IQSEC1: variants seen among roughly 807,000 people sequenced by gnomAD.
IQSEC1 encodes IQ motif and Sec7 domain ArfGEF 1.
A neutral mutation model predicts 91.0 loss-of-function variants in IQSEC1; 31 were observed. That is an observed-to-expected ratio of 0.34 (90% CI 0.26 to 0.46). The LOEUF (loss-of-function observed/expected upper bound fraction) is 0.46. Among genes scored for constraint, IQSEC1 ranks in the 20% least tolerant of loss-of-function variants. IQSEC1 has a pLI of 1.00. For missense variants in IQSEC1, 1,388 were observed against 1,575.6 expected (o/e 0.88, Z 2.02); for synonymous variants, 699 against 662.6 (o/e 1.05, Z -0.84).
chr3:12,936,382 G>A lies in IQSEC1; in HGVS notation c.634C>T (p.Pro212Ser), dbSNP rs1237374778. ...DLSEPTTLKS[P>S]APSSDFADAI... ...TCCGCAAAGTCACTGGAGGGGGCCG[G>A]AGACTTGAGGGTGGTGGGCTCGCTG... The change falls in exon 3 of 14, where the codon CCG becomes TCG. Residue 212 changes from proline to serine, a missense_variant. Physicochemically the swap from Pro to Ser is moderately conservative, Grantham distance 74. Transcript: ENST00000613206. The A allele has an allele frequency of 1.3e-6, 2 of 1,597,660 alleles. No individual in the cohort carries two copies. The highest frequency in any genetic ancestry group is 2.7e-5 in the African/African-American group (2 of 74,674).
chr3:13,192,898 CT>C (rs900353990), intron 1 of IQSEC1, among the ~76,000 whole-genome samples: 12 of 152,230 alleles, frequency 7.9e-5, no homozygotes, highest in Admixed American at 7.8e-4. Flanking sequence ...TGCCTCACCC[CT>C]GCTCCCAGCA....
At chr3:13,163,659 G>A (rs925461192) in intron 2 of IQSEC1, among the ~76,000 whole-genome samples, 8 of 152,180 alleles carry the variant, frequency 5.3e-5, no homozygotes, top group African/African-American at 9.6e-5. Context: ...TACGCCTGCC[G>A]TGGAGACACC....
chr3:13,123,986 G>A (rs370351857), intron 2 of IQSEC1, among the ~76,000 whole-genome samples: 2 of 152,196 alleles, frequency 1.3e-5, no homozygotes, highest in Non-Finnish European at 2.9e-5. Context: ...TTCTGCATTG[G>A]GTATGACAGC....
rs1002189389 is a variant in IQSEC1, at chr3:12,992,056, C to T, written c.24-50191G>A. On this transcript the variant is annotated intron_variant, in intron 1 of 13. Transcript: ENST00000613206. The surrounding 1 kb of genome is among the most constrained non-coding windows in gnomAD (Gnocchi z 4.1). ...GGTGAGCACAGGCCCCCTCCCTTGT[C>T]CCTCCACTGCAGAGACCTCTGAGGG... Among the ~76,000 whole-genome samples, 3 of 152,136 alleles carry T rather than the reference C, an allele frequency of 2.0e-5. No individual in the cohort carries two copies. Among genetic ancestry groups the T allele is most frequent in the East Asian group, 3.9e-4 (2 of 5,164 alleles).
rs552060490 is a variant in IQSEC1, at chr3:13,224,442, G to C, written c.272+58269C>G. The stretch of plus-strand genomic sequence containing the variant: ...CCAGCCCAGGCAGGGACCGCCTGCT[G>C]TCCAGGGTGCAATGGGAGAAGGGGC... On this transcript the variant is annotated intron_variant, in intron 1 of 15. Coordinates refer to the IQSEC1 transcript ENST00000648114. 2.0e-5 allele frequency among the ~76,000 whole-genome samples: 3 copies of C among 152,270 alleles called. No homozygotes were observed. In the South Asian group the frequency reaches 6.2e-4, roughly 32 times the overall value.
At chr3:13,057,572 C>T (rs1704921903) in intron 1 of IQSEC1, among the ~76,000 whole-genome samples, 1 of 152,218 alleles carries the variant, frequency 6.6e-6, no homozygotes, top group Non-Finnish European at 1.5e-5. Context: ...CGGGGAACAC[C>T]CCACTGTCCC....
At chr3:12,973,681 A>G (rs1701016659) in intron 1 of IQSEC1, among the ~76,000 whole-genome samples, 1 of 152,250 alleles carries the variant, frequency 6.6e-6, no homozygotes, top group Non-Finnish European at 1.5e-5. Context: ...TTGCATGCCT[A>G]TATCAAAATA....
chr3:13,120,065 G>A (rs1238213236), intron 2 of IQSEC1, among the ~76,000 whole-genome samples: 1 of 152,226 alleles, frequency 6.6e-6, no homozygotes, highest in Admixed American at 6.5e-5. Context: ...TTCCTTAGAA[G>A]GCACTCACCT....
At chr3:13,091,592 T>C (rs1705862361) in intron 2 of IQSEC1, among the ~76,000 whole-genome samples, 1 of 151,990 alleles carries the variant, frequency 6.6e-6, no homozygotes, top group South Asian at 2.1e-4. Context: ...GGCTGGGGTG[T>C]GAAAGGACCC....
intron 2 of IQSEC1, among the ~76,000 whole-genome samples, chr3:13,106,611 G>C (rs1240728488): frequency 6.6e-6 from 1 of 152,140 alleles, no homozygotes; most frequent in East Asian, 1.9e-4. Flanking sequence ...TTAACCCTTA[G>C]GCAGCACTGC....
intron 2 of IQSEC1, among the ~76,000 whole-genome samples, chr3:13,092,110 T>C (rs633442): frequency 0.18 from 27,160 of 152,056 alleles, 2,513 homozygotes; most frequent in Middle Eastern, 0.24. Flanking sequence ...CCCTGCACTG[T>C]GCAGGGTCAG....
chr3:13,174,074 C>T (rs1343053250), intron 1 of IQSEC1, among the ~76,000 whole-genome samples: 2 of 152,186 alleles, frequency 1.3e-5, no homozygotes, highest in East Asian at 3.8e-4. Context: ...CTCACTGAGC[C>T]AGAGGCCCGG....
rs1344188644 is a variant in IQSEC1, at chr3:12,900,187, T to TGGAC, written c.*792_*795dup. The TGGAC allele has an allele frequency of 1.0e-6, 1 of 975,450 alleles. No individual in the cohort carries two copies. Among genetic ancestry groups the TGGAC allele is most frequent in the Admixed American group, 6.2e-5 (1 of 16,246 alleles). 60.4% of individuals were successfully genotyped at this position (975,450 alleles called of 1,614,324 possible). On this transcript the variant is annotated 3_prime_UTR_variant, in exon 14 of 14. Coordinates refer to ENST00000613206, the MANE Select transcript of IQSEC1 (RefSeq NM_001134382.3). Reference sequence around the variant, plus strand: ...AATAAGGATTTATACAAAGCAATACTGGACTTTTTAAACAGTTAGATGCTA... The same window carrying TGGAC: ...AATAAGGATTTATACAAAGCAATACTGGACGGACTTTTTAAACAGTTAGATGCTA...
At chr3:12,961,408 C>G (rs962616822) in intron 1 of IQSEC1, among the ~76,000 whole-genome samples, 43 of 152,274 alleles carry the variant, frequency 2.8e-4, no homozygotes, top group Non-Finnish European at 8.8e-5. Flanking sequence ...CCCCAATCCA[C>G]AGGCAAAGCG....
At position 13,214,346 on chromosome 3, in the gene IQSEC1, G is replaced by A. The variant is rs933314232; in HGVS notation, c.273-50213C>T. 6.6e-6 allele frequency among the ~76,000 whole-genome samples: 1 copy of A among 152,156 alleles called. No individual in the cohort carries two copies. The highest frequency in any genetic ancestry group is 2.4e-5 in the African/African-American group (1 of 41,426). ...TGCTGCTCCCAACACCCTTGTCCAG[G>A]AGCTGCCCAGGCCGACTCCTCACCC... On this transcript the variant is annotated intron_variant, in intron 1 of 15. Transcript: ENST00000648114. This position sits in a 1 kb window ranked among gnomAD's most constrained non-coding sequence, Gnocchi z 4.5.
intron 1 of IQSEC1, among the ~76,000 whole-genome samples, chr3:13,064,754 C>A (rs1576228994): frequency 6.6e-6 from 1 of 152,222 alleles, no homozygotes; most frequent in Admixed American, 6.5e-5. Flanking sequence ...GAGTGAGGAC[C>A]AGACTCGGAT....
intron 1 of IQSEC1, among the ~76,000 whole-genome samples, chr3:13,006,999 T>C (rs965147786): frequency 3.9e-5 from 6 of 152,148 alleles, no homozygotes; most frequent in Non-Finnish European, 8.8e-5. Flanking sequence ...ATTTTATAGA[T>C]GAGGAAACAG....
intron 1 of IQSEC1, among the ~76,000 whole-genome samples, chr3:13,020,055 G>C (rs976311704): frequency 6.6e-6 from 1 of 152,236 alleles, no homozygotes; most frequent in Non-Finnish European, 1.5e-5. Flanking sequence ...CCAGTGCCGA[G>C]CCCTCTGCAT....
chr3:13,141,364 A>C (rs1425882421), intron 2 of IQSEC1, among the ~76,000 whole-genome samples: 2 of 152,338 alleles, frequency 1.3e-5, no homozygotes, highest in East Asian at 3.9e-4. Context: ...GGATGGCAAG[A>C]GGAATGCAGC....
Sources: gnomAD v4.1 joint callset for allele counts (sites outside exome capture counted in the v4.1 genomes callset) on GRCh38, gnomAD v4.1.1 for gene constraint, Gnocchi (gnomAD v3.1) non-coding constraint, MANE v1.5 for transcripts, NCBI Gene and HGNC (gene_info 2026-07-23, HGNC 2026-07-21) for gene names.